The following LARP4B variants were observed in gnomAD, a reference collection of about 807,000 sequenced individuals.
LARP4B encodes the protein la-related protein 4B.
LARP4B carries 12 observed loss-of-function variants against 89.8 expected under a neutral mutation model. The ratio of observed to expected loss-of-function variants is 0.13; its 90% CI spans 0.09 to 0.22. The LOEUF (loss-of-function observed/expected upper bound fraction) is 0.22. LARP4B is among the 10% of genes least tolerant of loss of function. LARP4B has a pLI of 1.00. For synonymous variants in LARP4B, 367 were observed against 363.3 expected (o/e 1.01, Z -0.12); for missense variants, 757 against 947.7 (o/e 0.80, Z 2.64).
chr10:879,025 A>G (rs1835569107), intron 3 of LARP4B, among the ~76,000 whole-genome samples: 1 of 152,234 alleles, frequency 6.6e-6, no homozygotes, highest in African/African-American at 2.4e-5. Context: ...CCACAACAAG[A>G]GAAGTTTTAG....
intron 1 of LARP4B, among the ~76,000 whole-genome samples, chr10:920,404 C>A (rs1369164193): frequency 1.3e-5 from 2 of 152,186 alleles, no homozygotes; most frequent in Non-Finnish European, 2.9e-5. Context: ...TAACGTAGAA[C>A]AAAACTCACA....
intron 1 of LARP4B, among the ~76,000 whole-genome samples, chr10:889,397 C>T (rs952470338): frequency 3.9e-5 from 6 of 152,094 alleles, no homozygotes; most frequent in Non-Finnish European, 7.4e-5. Context: ...CTCACTCACT[C>T]AGACTGGGAC....
In LARP4B at chr10:814,698, A is replaced by G. The variant is rs780084568; in HGVS notation, c.1929+44T>C. On this transcript the variant is annotated intron_variant, in intron 17 of 17. Coordinates refer to ENST00000316157, the MANE Select transcript of LARP4B (RefSeq NM_015155.3). This position sits in a 1 kb window ranked among gnomAD's most constrained non-coding sequence, Gnocchi z 4.4. ...AGTGCGCAGCGTCTGTTCACACCAG[A>G]GCCTCGCGGCTGTCGTGCAGGAAGG... is the stretch of plus-strand genomic sequence containing the variant. 4 of 1,559,426 alleles carry G rather than the reference A, an allele frequency of 2.6e-6. No individual in the cohort carries two copies. The Admixed American group carries it at 7.7e-5, about 30-fold the overall frequency.
chr10:814,506 C>A lies in LARP4B; in HGVS notation c.1929+236G>T. On this transcript the variant is annotated intron_variant, in intron 17 of 17. Coordinates refer to ENST00000316157, the MANE Select transcript of LARP4B (RefSeq NM_015155.3). This position sits in a 1 kb window ranked among gnomAD's most constrained non-coding sequence, Gnocchi z 4.4. ...TTACTACTCAAGAAACCTCTATTGA[C>A]CAACACTGAAATAAAAGGACTACAT... The A allele has an allele frequency of 1.3e-6, 1 of 795,564 alleles. No individual in the cohort carries two copies. The highest frequency in any genetic ancestry group is 2.0e-6 in the Non-Finnish European group (1 of 505,292). The allele number at this position is 795,564 out of a possible 1,614,324, so 49.3% of individuals were successfully genotyped here.
chr10:821,631 A>AG (rs1164395756), intron 13 of LARP4B, among the ~76,000 whole-genome samples: 2 of 152,234 alleles, frequency 1.3e-5, no homozygotes, highest in Admixed American at 1.3e-4. Context: ...GACTCCCCCA[A>AG]GGGCCTTGTA....
intron 1 of LARP4B, among the ~76,000 whole-genome samples, chr10:910,402 T>C (rs537500975): frequency 1.3e-5 from 2 of 152,370 alleles, no homozygotes; most frequent in African/African-American, 4.8e-5. Flanking sequence ...GGATTCAGAA[T>C]GTCTCCCCTC....
At chr10:882,112 C>T (rs1304806355) in intron 3 of LARP4B, among the ~76,000 whole-genome samples, 1 of 151,844 alleles carries the variant, frequency 6.6e-6, no homozygotes, top group Non-Finnish European at 1.5e-5. Flanking sequence ...TGGGGGTGGG[C>T]TGGGGGTTTA....
intron 15 of LARP4B, 91 bp downstream of exon 15, chr10:817,633 CA>C (rs1338936501): frequency 1.3e-5 from 16 of 1,260,094 alleles, no homozygotes; most frequent in Admixed American, 1.0e-4. Context: ...GTATTAAAAA[CA>C]AACATGTATA....
chr10:866,894 C>T (rs948479944), intron 3 of LARP4B, among the ~76,000 whole-genome samples: 3 of 152,208 alleles, frequency 2.0e-5, no homozygotes, highest in Non-Finnish European at 2.9e-5. Context: ...CCGTGGCCCT[C>T]GTGTTCCTCC....
At position 897,633 on chromosome 10, in the gene LARP4B, T is replaced by C. The variant is rs1193696349; in HGVS notation, c.-39-11873A>G. On this transcript the variant is annotated intron_variant, in intron 1 of 17. Transcript: ENST00000316157. ...AATCATATATCCAATACGGAACATATATCTAGAATATATAAACAATTCCTA... is the reference window on the plus strand; with the variant it reads ...AATCATATATCCAATACGGAACATACATCTAGAATATATAAACAATTCCTA... Among the ~76,000 whole-genome samples the C allele has an allele frequency of 1.3e-5, 2 of 152,066 alleles. 1 individual carries two copies. Among genetic ancestry groups the C allele is most frequent in the Non-Finnish European group, 2.9e-5 (2 of 68,018 alleles).
At chr10:821,171 G>C (rs1312264332) in intron 13 of LARP4B, among the ~76,000 whole-genome samples, 1 of 152,200 alleles carries the variant, frequency 6.6e-6, no homozygotes, top group East Asian at 1.9e-4. Flanking sequence ...GAAATGACAA[G>C]ACACATAAAA....
At chr10:882,117 G>A (rs1007831555) in intron 3 of LARP4B, among the ~76,000 whole-genome samples, 1 of 152,018 alleles carries the variant, frequency 6.6e-6, no homozygotes, top group African/African-American at 2.4e-5. Flanking sequence ...GTGGGCTGGG[G>A]GTTTAATGGG....
chr10:840,563 C>T (rs1223658429), intron 7 of LARP4B, among the ~76,000 whole-genome samples: 3 of 152,156 alleles, frequency 2.0e-5, no homozygotes, highest in Admixed American at 6.5e-5. Context: ...TATAACACAA[C>T]GTATTTATTC....
chr10:980,677 A>T, the LARP4B span, among the ~76,000 whole-genome samples: 1 of 152,190 alleles, frequency 6.6e-6, no homozygotes, highest in Non-Finnish European at 1.5e-5. Context: ...GTGCAGGGCA[A>T]TGGATACCCT....
chr10:931,980 G>T (rs1210326969), upstream of LARP4B, among the ~76,000 whole-genome samples: 8 of 52,914 alleles, frequency 1.5e-4, no homozygotes, highest in East Asian at 4.2e-4. Flanking sequence ...CGCCCCGCCC[G>T]CCCCGCCCGC....
chr10:889,901 CT>C (rs1274128762), intron 1 of LARP4B, among the ~76,000 whole-genome samples: 1 of 152,170 alleles, frequency 6.6e-6, no homozygotes, highest in Non-Finnish European at 1.5e-5. Context: ...GAGATCGCCC[CT>C]AAACATACTC....
At chr10:821,079 A>G (rs747126017) in intron 13 of LARP4B, 14 of 554,880 alleles carry the variant, frequency 2.5e-5, no homozygotes, top group Non-Finnish European at 4.5e-5. Flanking sequence ...TAAAGAACAG[A>G]AGAAAACACT....
chr10:982,088 T>C, the LARP4B span, among the ~76,000 whole-genome samples: 2 of 145,442 alleles, frequency 1.4e-5, no homozygotes, highest in Non-Finnish European at 3.0e-5. Flanking sequence ...CTTCAACCTA[T>C]AGCTTTTTTT....
intron 1 of LARP4B, among the ~76,000 whole-genome samples, chr10:904,104 G>T (rs369497653): frequency 6.6e-6 from 1 of 152,112 alleles, no homozygotes; most frequent in African/African-American, 2.4e-5. Context: ...GAAAAATTCT[G>T]ATGTTTCTTC....
Sources: allele counts gnomAD v4.1 joint callset (sites outside exome capture counted in the v4.1 genomes callset), GRCh38; gene constraint gnomAD v4.1.1; non-coding constraint Gnocchi (gnomAD v3.1); transcripts MANE v1.5; gene names NCBI Gene and HGNC (gene_info 2026-07-23, HGNC 2026-07-21).